PHF12: variants seen among roughly 807,000 people sequenced by gnomAD.
PHF12 encodes PHD factor 1.
In PHF12, 6 loss-of-function variants were observed where a neutral mutation model predicts 99.8. That is an observed-to-expected ratio of 0.06 (90% confidence interval 0.03 to 0.12). The LOEUF (loss-of-function observed/expected upper bound fraction) is 0.12. PHF12 is among the 10% of genes least tolerant of loss of function. The pLI is 1.00. For missense variants in PHF12, 954 were observed against 1,300.1 expected (o/e 0.73, Z 4.09); for synonymous variants, 480 against 514.9 (o/e 0.93, Z 0.92).
Position 28,906,355 on chromosome 17 carries a change from T to A in PHF12, c.2843A>T (p.His948Leu). ...GCCCAGCTTGATGTAGCTGCCATGG[T>A]GCAGTAAGGCTGTGCCCTCCCAGCC... Reference protein sequence around the residue: ...GAGWEGTALLHHGSYIKLGCL... With the variant: ...GAGWEGTALLLHGSYIKLGCL... Residue 948 changes from histidine (H) to leucine (L), a missense_variant, in exon 15 of 15, where the codon CAC (histidine) becomes CTC (leucine). His to Leu is a moderately conservative substitution (Grantham distance 99). Coordinates refer to ENST00000332830, the MANE Select transcript of PHF12 (RefSeq NM_001033561.2). The surrounding 1 kb of genome is among the most constrained non-coding windows in gnomAD (Gnocchi z 4.2). 6.2e-7 allele frequency: 1 copy of A among 1,614,216 alleles called. No homozygotes were observed. The highest frequency in any genetic ancestry group is 8.5e-7 in the Non-Finnish European group (1 of 1,180,042).
chr17:28,922,148 A>C (rs1369015587), intron 4 of PHF12, among the ~76,000 whole-genome samples: 2 of 152,216 alleles, frequency 1.3e-5, no homozygotes, highest in African/African-American at 4.8e-5. Context: ...AACAAGGACT[A>C]TTCTGTGGAG....
At chr17:28,935,998 C>T (rs756504667) in intron 2 of PHF12, among the ~76,000 whole-genome samples, 3 of 152,120 alleles carry the variant, frequency 2.0e-5, no homozygotes, top group Admixed American at 6.6e-5. Flanking sequence ...ACTCTCAGCC[C>T]GAGGTTAAAG....
In PHF12 at chr17:28,950,123, C is replaced by T. The variant is rs191360880; in HGVS notation, c.190G>A (p.Glu64Lys). 6.2e-7 allele frequency: 1 copy of T among 1,614,076 alleles called. No individual in the cohort carries two copies. The highest frequency in any genetic ancestry group is 8.5e-7 in the Non-Finnish European group (1 of 1,180,032). ...TNHDSCDSCK[E>K]GGDLLCCDHC... ...TCGCAGCACAGGAGATCTCCACCTT[C>T]CTTGCAGCTATCGCAGCTGTCGTGG... Residue 64 changes from glutamate (E) to lysine (K), a missense_variant, in exon 2 of 15, where the codon GAA (glutamate) becomes AAA (lysine). Physicochemically the swap from Glu to Lys is moderately conservative, Grantham distance 56. Coordinates refer to ENST00000332830, the MANE Select transcript of PHF12 (RefSeq NM_001033561.2). The surrounding 1 kb of genome is among the most constrained non-coding windows in gnomAD (Gnocchi z 5.7).
chr17:28,906,381 G>A lies in PHF12; in HGVS notation c.2817C>T (p.Ala939=), dbSNP rs771599157. Residue 939 remains alanine (A), a synonymous_variant, in exon 15 of 15, where the codon GCC becomes GCT. Transcript: ENST00000332830. The surrounding 1 kb of genome is among the most constrained non-coding windows in gnomAD (Gnocchi z 4.2). ...GCAGTAAGGCTGTGCCCTCCCAGCC[G>A]GCCCCACTGCCCCCAATCAAGCTCG... ...SSSSLIGGSG[A]GWEGTALLHH... 1.4e-5 allele frequency: 22 copies of A among 1,614,212 alleles called. No homozygotes were observed. The highest frequency in any genetic ancestry group is 5.0e-5 in the Admixed American group (3 of 60,032).
intron 7 of PHF12, among the ~76,000 whole-genome samples, chr17:28,914,704 G>GAAAAAAAAA (rs1598124543): frequency 1.1e-5 from 1 of 89,300 alleles, no homozygotes; most frequent in African/African-American, 4.5e-5. Flanking sequence ...AAAAAAAAAT[G>GAAAAAAAAA]CTTGACATGA....
At chr17:28,924,400 A>T (rs1156971143) in intron 3 of PHF12, 98 bp from the exon 4 acceptor site, 3 of 1,533,320 alleles carry the variant, frequency 2.0e-6, no homozygotes, top group Non-Finnish European at 2.7e-6. Context: ...AAACTGTAAA[A>T]GGCCTTCACA....
chr17:28,936,852 A>T (rs1045008041), intron 2 of PHF12, among the ~76,000 whole-genome samples: 2 of 152,146 alleles, frequency 1.3e-5, no homozygotes, highest in African/African-American at 4.8e-5. Flanking sequence ...ATTTAGTCTC[A>T]CTGTGTAAGA....
chr17:28,930,613 C>T (rs548746364), intron 2 of PHF12, among the ~76,000 whole-genome samples: 1 of 152,352 alleles, frequency 6.6e-6, no homozygotes, highest in South Asian at 2.1e-4. Flanking sequence ...CCTGTACTTA[C>T]TGAACCATCC....
chr17:28,911,268 C>A, intron 9 of PHF12, 31 bp from the exon 10 acceptor site: 4 of 1,612,606 alleles, frequency 2.5e-6, no homozygotes, highest in Non-Finnish European at 3.4e-6. Context: ...CTGTTACTTA[C>A]GTCGCCTGAG....
chr17:28,939,424 T>C (rs1222482624), intron 2 of PHF12, among the ~76,000 whole-genome samples: 1 of 152,236 alleles, frequency 6.6e-6, no homozygotes, highest in Non-Finnish European at 1.5e-5. Context: ...TAATGGAGCA[T>C]AATTTTCACA....
Position 28,906,079 on chromosome 17 carries a change from T to G in PHF12, c.*104A>C. 2.7e-6 allele frequency: 3 copies of G among 1,112,770 alleles called. No individual in the cohort carries two copies. The highest frequency in any genetic ancestry group is 3.5e-5 in the South Asian group (2 of 57,428). 68.9% of individuals were successfully genotyped at this position (1,112,770 alleles called of 1,614,324 possible). A position where few individuals can be genotyped will look rare whatever the true frequency, so the allele number is the denominator to read the frequency against. ...TCATGCAAAGATTGTAGTTGAAGGG[T>G]TTCTGGTAGAGTATAGAAAACACCC... On this transcript the variant is annotated 3_prime_UTR_variant, in exon 15 of 15. Coordinates refer to ENST00000332830, the MANE Select transcript of PHF12 (RefSeq NM_001033561.2). This position sits in a 1 kb window ranked among gnomAD's most constrained non-coding sequence, Gnocchi z 4.2.
At position 28,951,363 on chromosome 17, in the gene PHF12, G is replaced by T; in HGVS notation, c.-403C>A. ...GAGAGGTTACGTGAGGTTGTGGTAC[G>T]TGAGGTGACTGGGGGGAGGGTGATG... On this transcript the variant is annotated 5_prime_UTR_variant, in exon 1 of 15. Coordinates refer to ENST00000332830, the MANE Select transcript of PHF12 (RefSeq NM_001033561.2). 1.0e-6 allele frequency: 1 copy of T among 988,948 alleles called. No individual in the cohort carries two copies. Among genetic ancestry groups the T allele is most frequent in the Non-Finnish European group, 1.2e-6 (1 of 829,434 alleles). The allele number at this position is 988,948 out of a possible 1,614,324, so 61.3% of individuals were successfully genotyped here.
At chr17:28,928,815 A>C (rs1263382790) in intron 2 of PHF12, among the ~76,000 whole-genome samples, 1 of 151,808 alleles carries the variant, frequency 6.6e-6, no homozygotes, top group Non-Finnish European at 1.5e-5. Context: ...ACCAAAAAAC[A>C]GGCCAGGCAT....
In PHF12 at chr17:28,910,372, A is replaced by G. The variant is rs757550561; in HGVS notation, c.2216-3T>C. The G allele has an allele frequency of 2.7e-5, 44 of 1,607,026 alleles. No homozygotes were observed. The highest frequency in any genetic ancestry group is 3.5e-5 in the Non-Finnish European group (41 of 1,175,164). ...GTCCAGCATATTTATCTCGATTTCTATTAGCCAAAGAGAAAGATTAAAAAG... is the reference window on the plus strand; with the variant it reads ...GTCCAGCATATTTATCTCGATTTCTGTTAGCCAAAGAGAAAGATTAAAAAG... On this transcript the variant is annotated splice_region_variant and splice_polypyrimidine_tract_variant and intron_variant, in intron 10 of 14. Transcript: ENST00000332830.
At position 28,949,976 on chromosome 17, in the gene PHF12, C is replaced by A; in HGVS notation, c.248+89G>T. 7.1e-7 allele frequency: 1 copy of A among 1,401,720 alleles called. No homozygotes were observed. The highest frequency in any genetic ancestry group is 1.5e-5 in the African/African-American group (1 of 68,052). 86.8% of individuals were successfully genotyped at this position (1,401,720 alleles called of 1,614,324 possible). A position where few individuals can be genotyped will look rare whatever the true frequency, so the allele number is the denominator to read the frequency against. ...AAGTCAGCTAGCGGCTGCAAGCGCCCGTTATTTCGGCAGTCAGGGGCAGGC... is the reference window on the plus strand; with the variant it reads ...AAGTCAGCTAGCGGCTGCAAGCGCCAGTTATTTCGGCAGTCAGGGGCAGGC... On this transcript the variant is annotated intron_variant, in intron 2 of 14. Coordinates refer to ENST00000332830, the MANE Select transcript of PHF12 (RefSeq NM_001033561.2). This position sits in a 1 kb window ranked among gnomAD's most constrained non-coding sequence, Gnocchi z 4.6.
At position 28,923,651 on chromosome 17, in the gene PHF12, C is replaced by CAAA. The variant is rs1491183033; in HGVS notation, c.715+257_715+258insTTT. ...CTAGCCTGAGTGACAAAGTGAGACT[C>CAAA]ACAAAAAAAAAAAAAAAAAAAAAAG... On this transcript the variant is annotated intron_variant, in intron 4 of 14. Transcript: ENST00000332830. 3.5e-3 allele frequency among the ~76,000 whole-genome samples: 77 copies of CAAA among 21,956 alleles called. 1 individual carries two copies. The highest frequency in any genetic ancestry group is 0.013 in the African/African-American group (55 of 4,340). The allele number at this position is 21,956 out of a possible 152,430, so 14.4% of individuals were successfully genotyped here. A position where few individuals can be genotyped will look rare whatever the true frequency, so the allele number is the denominator to read the frequency against.
Position 28,918,639 on chromosome 17 carries a change from A to G in PHF12, c.969+504T>C, listed in dbSNP as rs2152662778. Among the ~76,000 whole-genome samples the G allele has an allele frequency of 2.0e-5, 3 of 152,346 alleles. 1 individual carries two copies. The Middle Eastern group carries it at 0.01, about 518-fold the overall frequency. On this transcript the variant is annotated intron_variant, in intron 6 of 14. Coordinates refer to ENST00000332830, the MANE Select transcript of PHF12 (RefSeq NM_001033561.2). ...GTGAGTGACTGTTCTAACTGCCTATAAAGAGATGTCCTAAACTTCTTTTGG... is the reference window on the plus strand; with the variant it reads ...GTGAGTGACTGTTCTAACTGCCTATGAAGAGATGTCCTAAACTTCTTTTGG...
intron 5 of PHF12, among the ~76,000 whole-genome samples, chr17:28,920,478 A>G (rs2040141497): frequency 6.6e-6 from 1 of 152,240 alleles, no homozygotes; most frequent in Non-Finnish European, 1.5e-5. Context: ...AATACACACT[A>G]TCATAGATCC....
chr17:28,907,769 G>A (rs1294932344), intron 12 of PHF12, 97 bp from the exon 13 acceptor site: 2 of 1,159,378 alleles, frequency 1.7e-6, no homozygotes, highest in African/African-American at 1.5e-5. Flanking sequence ...TAGCTTCTGG[G>A]TTGGCACTAG....
Sources: gnomAD v4.1 joint callset for allele counts (sites outside exome capture counted in the v4.1 genomes callset) on GRCh38, gnomAD v4.1.1 for gene constraint, Gnocchi (gnomAD v3.1) non-coding constraint, MANE v1.5 for transcripts, NCBI Gene and HGNC (gene_info 2026-07-23, HGNC 2026-07-21) for gene names.